Variants in HIVEP3 observed in about 807,000 individuals in gnomAD.
The protein encoded by HIVEP3 is transcription factor HIVEP3.
In HIVEP3, 49 loss-of-function variants were observed where a neutral mutation model predicts 152.8. That is an observed-to-expected ratio of 0.32 (90% CI 0.26 to 0.41). The LOEUF (loss-of-function observed/expected upper bound fraction) is 0.41, where lower values mean the gene tolerates loss of function less well. HIVEP3 is among the 10% of genes least tolerant of loss of function. The pLI, the probability that HIVEP3 is intolerant of heterozygous loss-of-function variation, is 1.00. For synonymous variants in HIVEP3, 1,269 were observed against 1,289.0 expected (o/e 0.98, Z 0.33); for missense variants, 2,790 against 3,103.3 (o/e 0.90, Z 2.40).
intron 1 of HIVEP3, among the ~76,000 whole-genome samples, chr1:41,870,478 C>T (rs914749768): frequency 1.3e-5 from 2 of 152,144 alleles, no homozygotes; most frequent in African/African-American, 2.4e-5. Context: ...TCATTCCCAG[C>T]GCCTGACACA....
chr1:41,646,564 A>G (rs893428668), intron 2 of HIVEP3, among the ~76,000 whole-genome samples: 29 of 152,204 alleles, frequency 1.9e-4, no homozygotes, highest in African/African-American at 7.0e-4. Context: ...TCAAGGGTCT[A>G]TGACCACTTT....
chr1:41,755,539 T>C (rs934509980), intron 1 of HIVEP3, among the ~76,000 whole-genome samples: 2 of 151,550 alleles, frequency 1.3e-5, no homozygotes, highest in Admixed American at 1.3e-4. Context: ...GGAGAAGATA[T>C]CTGCAAACAA....
chr1:41,875,408 G>A (rs1644152887), intron 1 of HIVEP3, among the ~76,000 whole-genome samples: 1 of 152,242 alleles, frequency 6.6e-6, no homozygotes, highest in Non-Finnish European at 1.5e-5. Context: ...CCTTCCAACT[G>A]GGTTCCTGGC....
intron 1 of HIVEP3, among the ~76,000 whole-genome samples, chr1:42,001,910 G>A (rs1645430418): frequency 6.6e-6 from 1 of 151,936 alleles, no homozygotes; most frequent in South Asian, 2.1e-4. Context: ...GGGTAGCCCG[G>A]GCCTGGCAGG....
At chr1:41,657,387 G>A (rs1645644413) in intron 2 of HIVEP3, among the ~76,000 whole-genome samples, 1 of 152,148 alleles carries the variant, frequency 6.6e-6, no homozygotes, top group African/African-American at 2.4e-5. Flanking sequence ...GCTCTCCATG[G>A]AGCAATGGTT....
chr1:41,771,526 T>C (rs1388580651), intron 1 of HIVEP3, among the ~76,000 whole-genome samples: 2 of 152,116 alleles, frequency 1.3e-5, no homozygotes, highest in Non-Finnish European at 1.5e-5. Context: ...CTGCCCCGCG[T>C]GTCTACCCCT....
chr1:41,638,578 A>G (rs1165304405), intron 2 of HIVEP3, among the ~76,000 whole-genome samples: 1 of 152,212 alleles, frequency 6.6e-6, no homozygotes, highest in Non-Finnish European at 1.5e-5. Context: ...AAATTGAGAA[A>G]CTGATATAAA....
At chr1:41,682,755 G>A (rs543301189) in intron 2 of HIVEP3, among the ~76,000 whole-genome samples, 9 of 152,172 alleles carry the variant, frequency 5.9e-5, no homozygotes, top group Non-Finnish European at 8.8e-5. Context: ...AAGAGCCTGC[G>A]GAAGCTCACT....
chr1:41,762,516 G>C (rs1647759569), intron 1 of HIVEP3, among the ~76,000 whole-genome samples: 1 of 152,200 alleles, frequency 6.6e-6, no homozygotes, highest in Non-Finnish European at 1.5e-5. Flanking sequence ...CCTGCTCTGG[G>C]GCTTCAGGGT....
intron 5 of HIVEP3, among the ~76,000 whole-genome samples, chr1:41,541,461 G>A (rs574960642): frequency 7.2e-5 from 11 of 152,266 alleles, no homozygotes; most frequent in African/African-American, 2.4e-4. Context: ...GGCCGTGACA[G>A]GCTGTCCACA....
At chr1:42,025,612 G>A (rs1302018124) in intron 1 of HIVEP3, among the ~76,000 whole-genome samples, 1 of 152,194 alleles carries the variant, frequency 6.6e-6, no homozygotes, top group African/African-American at 2.4e-5. Flanking sequence ...TTGAAAATTA[G>A]GAAGAAGGTG....
intron 2 of HIVEP3, among the ~76,000 whole-genome samples, chr1:41,635,653 C>T (rs1447490746): frequency 2.8e-5 from 4 of 144,118 alleles, no homozygotes; most frequent in East Asian, 4.1e-4. Context: ...CATATACATA[C>T]GTATGTATAT....
Position 41,582,245 on chromosome 1 carries a change from G to A in HIVEP3, c.2553C>T (p.Pro851=), listed in dbSNP as rs1644423464. The A allele has an allele frequency of 6.2e-7, 1 of 1,613,824 alleles. No individual in the cohort carries two copies. Residue 851 remains proline (P), a synonymous_variant, in exon 4 of 9, where the codon CCC becomes CCT. Coordinates refer to ENST00000372583, the MANE Select transcript of HIVEP3 (RefSeq NM_024503.5). The surrounding 1 kb of genome is among the most constrained non-coding windows in gnomAD (Gnocchi z 4.7). The part of the protein sequence containing the change: ...HSLQPKLVRQ[P]NIQVPEILVT... ...CTAGGATCTCAGGAACCTGAATGTT[G>A]GGCTGGCGGACCAACTTAGGCTGCA...
intron 2 of HIVEP3, among the ~76,000 whole-genome samples, chr1:41,663,229 A>G (rs531998068): frequency 6.6e-6 from 1 of 152,080 alleles, no homozygotes; most frequent in Non-Finnish European, 1.5e-5. Context: ...GCAGAGGTCA[A>G]CCCTCTGCCA....
chr1:42,019,768 A>G (rs1645543583), intron 1 of HIVEP3, among the ~76,000 whole-genome samples: 1 of 152,016 alleles, frequency 6.6e-6, no homozygotes, highest in Admixed American at 6.6e-5. Flanking sequence ...TCTCTAATGC[A>G]ATGCTAAATT....
chr1:42,028,849 A>G (rs1043217857), intron 1 of HIVEP3, among the ~76,000 whole-genome samples: 5 of 152,234 alleles, frequency 3.3e-5, no homozygotes, highest in Non-Finnish European at 7.3e-5. Flanking sequence ...TGAAGAGGCC[A>G]GGGTGGGGAA....
rs75620423 is a variant in HIVEP3, at chr1:41,585,714, G to A, written c.-521-396C>T. On this transcript the variant is annotated intron_variant, in intron 3 of 8. Coordinates refer to ENST00000372583, the MANE Select transcript of HIVEP3 (RefSeq NM_024503.5). ...CTCTCTAAGCCTCAGTTGCCTAATC[G>A]GTAAAACAGATAACAAATCCTGCCT... Among the ~76,000 whole-genome samples the A allele has an allele frequency of 4.1e-3, 624 of 152,212 alleles. 5 individuals are homozygous for A. The highest frequency in any genetic ancestry group is 0.014 in the African/African-American group (590 of 41,516).
intron 1 of HIVEP3, among the ~76,000 whole-genome samples, chr1:42,024,434 A>G (rs1645571100): frequency 6.6e-6 from 1 of 152,098 alleles, no homozygotes; most frequent in South Asian, 2.1e-4. Context: ...CCCTGCTTCT[A>G]TTCCTTTTGT....
At chr1:41,815,753 GTT>G (rs35558509) in intron 1 of HIVEP3, among the ~76,000 whole-genome samples, 6,014 of 145,032 alleles carry the variant, frequency 0.041, 292 homozygotes, top group Admixed American at 0.17. Context: ...CTTTTTTATT[GTT>G]TTTTTTTTTT....
Sources: allele counts gnomAD v4.1 joint callset (sites outside exome capture counted in the v4.1 genomes callset), GRCh38; gene constraint gnomAD v4.1.1; non-coding constraint Gnocchi (gnomAD v3.1); transcripts MANE v1.5; gene names NCBI Gene and HGNC (gene_info 2026-07-23, HGNC 2026-07-21).